SYT14: variants seen among roughly 807,000 people sequenced by gnomAD.
SYT14 encodes synaptotagmin 14.
SYT14 carries 32 observed loss-of-function variants against 74.2 expected under a neutral mutation model. That is an observed-to-expected ratio of 0.43 (90% CI 0.33 to 0.58). The LOEUF (loss-of-function observed/expected upper bound fraction) is 0.58. Ranked by LOEUF, SYT14 falls within the 20% of genes least tolerant of loss-of-function variation. SYT14 has a pLI of 0.05. For synonymous variants in SYT14, 298 were observed against 337.7 expected, an observed-to-expected ratio of 0.88 and a Z score of 1.29; for missense variants, 791 against 981.8, an observed-to-expected ratio of 0.81 and a Z score of 2.60.
At chr1:209,996,057 C>A (rs2079784128) in intron 2 of SYT14, among the ~76,000 whole-genome samples, 1 of 152,016 alleles carries the variant, frequency 6.6e-6, no homozygotes, top group African/African-American at 2.4e-5. Context: ...TCTACCCTTG[C>A]ACCTAAAGGA....
chr1:210,013,349 T>C (rs566745106), intron 2 of SYT14, among the ~76,000 whole-genome samples: 4 of 152,160 alleles, frequency 2.6e-5, no homozygotes, highest in Admixed American at 2.6e-4. Context: ...GGATTACAGG[T>C]GTGAGCCACT....
chr1:210,049,236 C>T (rs2080942673), intron 5 of SYT14, among the ~76,000 whole-genome samples: 1 of 152,176 alleles, frequency 6.6e-6, no homozygotes, highest in South Asian at 2.1e-4. Flanking sequence ...AGTAGGGACT[C>T]TGTGTGGGTG....
intron 8 of SYT14, chr1:210,156,956 A>G (rs2083282506): frequency 3.5e-6 from 1 of 288,168 alleles, no homozygotes; most frequent in Non-Finnish European, 7.8e-6. Context: ...GGCCTCCCAA[A>G]GTGCTGGGAT....
chr1:209,964,711 A>G (rs1168526033), intron 2 of SYT14, among the ~76,000 whole-genome samples: 1 of 152,210 alleles, frequency 6.6e-6, no homozygotes, highest in Non-Finnish European at 1.5e-5. Flanking sequence ...ATGAAAATGC[A>G]GCAACATGTA....
At position 210,092,799 on chromosome 1, in the gene SYT14, G is replaced by GA. The variant is rs918855744; in HGVS notation, c.1313-1517dup. ...AACCAACCTCAGATGGAAAATATTT[G>GA]AAAAAATGTATGGTTTCATCTGTAC... On this transcript the variant is annotated intron_variant, in intron 5 of 9. Transcript: ENST00000637265. 8.6e-5 allele frequency among the ~76,000 whole-genome samples: 13 copies of GA among 151,958 alleles called. 2 individuals are homozygous for GA. The highest frequency in any genetic ancestry group is 7.9e-4 in the Admixed American group (12 of 15,252).
chr1:210,135,518 T>C lies in SYT14; in HGVS notation c.2035-20203T>C, dbSNP rs568637382. ...TGTCTTGAACCATGGGACATATTTA[T>C]AATCGCTGTTTTAAGGTCCATGTCT... On this transcript the variant is annotated intron_variant, in intron 7 of 9. Transcript: ENST00000637265. Among the ~76,000 whole-genome samples, 6 of 152,372 alleles carry C rather than the reference T, an allele frequency of 3.9e-5. No homozygotes were observed. In the East Asian group the frequency reaches 9.6e-4, roughly 24 times the overall value.
rs1488522223 is a variant in SYT14, at chr1:210,062,995, C to T, written c.1313-31327C>T. Among the ~76,000 whole-genome samples the T allele has an allele frequency of 2.1e-5, 3 of 142,272 alleles. No individual in the cohort carries two copies. The Admixed American group carries it at 2.1e-4, about 10-fold the overall frequency. The allele number at this position is 142,272 out of a possible 152,430, so 93.3% of individuals were successfully genotyped here. ...ATTCATGAATATTAAGAATATTAGC[C>T]TTTGTTGCATGTAATATTTTTTCTA... is the stretch of plus-strand genomic sequence containing the variant. On this transcript the variant is annotated intron_variant, in intron 5 of 9. Coordinates refer to ENST00000637265, the Ensembl canonical transcript of SYT14.
chr1:210,041,144 G>A (rs577311411), intron 5 of SYT14, among the ~76,000 whole-genome samples: 16 of 152,314 alleles, frequency 1.1e-4, no homozygotes, highest in South Asian at 2.1e-4. Flanking sequence ...CTGGGATGCC[G>A]GTGCCAAAGA....
chr1:209,986,694 G>A (rs1000298559), intron 2 of SYT14, among the ~76,000 whole-genome samples: 14 of 151,784 alleles, frequency 9.2e-5, no homozygotes, highest in African/African-American at 1.7e-4. Context: ...TCACTCTGTC[G>A]CCCAGTGCAA....
intron 8 of SYT14, 122 bp downstream of exon 7, chr1:210,156,032 C>A: frequency 1.1e-6 from 1 of 912,086 alleles, no homozygotes; most frequent in Non-Finnish European, 1.7e-6. Context: ...TAATCATCAG[C>A]TAATCTGTTT....
intron 5 of SYT14, among the ~76,000 whole-genome samples, chr1:210,067,638 C>T (rs986674211): frequency 5.3e-5 from 8 of 151,840 alleles, no homozygotes; most frequent in Admixed American, 1.3e-4. Context: ...GCATCTTAAA[C>T]GTATTTTTAA....
At chr1:210,140,942 A>G (rs945596925) in intron 7 of SYT14, among the ~76,000 whole-genome samples, 1 of 151,348 alleles carries the variant, frequency 6.6e-6, no homozygotes, top group Admixed American at 6.6e-5. Flanking sequence ...GAGTCCTCCA[A>G]CCTTGTTATT....
intron 5 of SYT14, among the ~76,000 whole-genome samples, chr1:210,030,236 A>G (rs1482027917): frequency 1.3e-5 from 2 of 151,440 alleles, no homozygotes; most frequent in Non-Finnish European, 2.9e-5. Flanking sequence ...CTGCCTCCTG[A>G]GTTCAAGTGA....
chr1:210,078,529 A>G lies in SYT14; in HGVS notation c.1313-15793A>G, dbSNP rs79006364. 6.3e-3 allele frequency among the ~76,000 whole-genome samples: 958 copies of G among 152,102 alleles called. 11 individuals are homozygous for G. The highest frequency in any genetic ancestry group is 0.022 in the African/African-American group (911 of 41,506). On this transcript the variant is annotated intron_variant, in intron 5 of 9. Coordinates refer to ENST00000637265, the Ensembl canonical transcript of SYT14. ...GGTTATTGCACATACTAAGAATATTACTTAATGACTCTTTTCCCCCCATAA... is the reference window on the plus strand; with the variant it reads ...GGTTATTGCACATACTAAGAATATTGCTTAATGACTCTTTTCCCCCCATAA...
At chr1:210,105,037 A>G (rs1247850653) in intron 7 of SYT14, among the ~76,000 whole-genome samples, 1 of 152,078 alleles carries the variant, frequency 6.6e-6, no homozygotes, top group Non-Finnish European at 1.5e-5. Context: ...TCTGTAGACA[A>G]ATGGTTCTCG....
intron 5 of SYT14, among the ~76,000 whole-genome samples, chr1:210,053,988 A>G (rs1478598303): frequency 6.6e-6 from 1 of 152,184 alleles, no homozygotes; most frequent in African/African-American, 2.4e-5. Context: ...TTGGCCAGGT[A>G]TAGAATGTCA....
chr1:209,978,367 G>A (rs892809503), intron 2 of SYT14, among the ~76,000 whole-genome samples: 5 of 152,208 alleles, frequency 3.3e-5, no homozygotes, highest in African/African-American at 7.2e-5. Context: ...TGATGGTGAC[G>A]TACAGATGGG....
intron 5 of SYT14, among the ~76,000 whole-genome samples, chr1:210,049,133 T>A (rs1282050277): frequency 6.6e-6 from 1 of 152,226 alleles, no homozygotes; most frequent in Non-Finnish European, 1.5e-5. Context: ...CTGCGGCTTT[T>A]CCAGGCACAC....
chr1:209,984,616 C>G (rs774807647), intron 2 of SYT14, among the ~76,000 whole-genome samples: 5 of 152,116 alleles, frequency 3.3e-5, no homozygotes, highest in East Asian at 1.9e-4. Flanking sequence ...TTTAATATTT[C>G]TTACAGCAGA....
Sources: allele counts gnomAD v4.1 joint callset (sites outside exome capture counted in the v4.1 genomes callset), GRCh38; gene constraint gnomAD v4.1.1; transcripts MANE v1.5; gene names NCBI Gene and HGNC (gene_info 2026-07-23, HGNC 2026-07-21).